Variants in ACSS3 observed in about 807,000 individuals in gnomAD.
The protein encoded by ACSS3 is acyl-CoA synthetase short-chain family member 3, mitochondrial.
Under a neutral mutation model 84.2 loss-of-function variants are expected in ACSS3, and 64 were observed. That is an observed-to-expected ratio of 0.76 (90% CI 0.62 to 0.94). The LOEUF is 0.94. ACSS3 is among the 40% of genes least tolerant of loss of function. The pLI is 0.00. For synonymous variants in ACSS3, 317 were observed against 310.1 expected (o/e 1.02, Z -0.23); for missense variants, 815 against 867.6 (o/e 0.94, Z 0.76).
At position 81,233,471 on chromosome 12, in the gene ACSS3, G is replaced by T; in HGVS notation, c.1719G>T (p.Glu573Asp). ...GHRISAGAIE[E>D]SILSHGTVAD... ...GAATTTCTGCAGGCGCCATTGAAGA[G>T]GTATTGATGAATATTGGTATTCTAT... The change falls in exon 13 of 16, where the codon GAG becomes GAT. Residue 573 changes from glutamate to aspartate, a missense_variant and splice_region_variant. Coordinates refer to ENST00000548058, the MANE Select transcript of ACSS3 (RefSeq NM_024560.4). The T allele has an allele frequency of 6.2e-7, 1 of 1,610,090 alleles. No individual in the cohort carries two copies. Among genetic ancestry groups the T allele is most frequent in the East Asian group, 2.2e-5 (1 of 44,742 alleles).
rs544445109 is a variant in ACSS3, at chr12:81,253,775, C to G, written c.1995+105C>G. Reference sequence around the variant, plus strand: ...TGGTTCTCAAATGTGAATTGCATCTCTAGAAAACACATAATAGTACTATTT... The same window carrying G: ...TGGTTCTCAAATGTGAATTGCATCTGTAGAAAACACATAATAGTACTATTT... On this transcript the variant is annotated intron_variant, in intron 15 of 15. Transcript: ENST00000548058. 2.7e-6 allele frequency: 3 copies of G among 1,111,674 alleles called. No individual in the cohort carries two copies. In the South Asian group the frequency reaches 4.6e-5, roughly 17 times the overall value. The allele number at this position is 1,111,674 out of a possible 1,614,324, so 68.9% of individuals were successfully genotyped here.
chr12:81,208,638 C>A (rs187888348), intron 9 of ACSS3, among the ~76,000 whole-genome samples: 38 of 152,210 alleles, frequency 2.5e-4, no homozygotes, highest in African/African-American at 7.0e-4. Context: ...AGAGATTTTT[C>A]TATAATGCAA....
Position 81,255,156 on chromosome 12 carries a change from T to A in ACSS3, c.*234T>A, listed in dbSNP as rs1333856145. 1 of 362,148 alleles carries A rather than the reference T, an allele frequency of 2.8e-6. No individual in the cohort carries two copies. Among genetic ancestry groups the A allele is most frequent in the African/African-American group, 2.1e-5 (1 of 47,312 alleles). 22.4% of individuals were successfully genotyped at this position (362,148 alleles called of 1,614,324 possible). On this transcript the variant is annotated 3_prime_UTR_variant, in exon 16 of 16. Transcript: ENST00000548058. ...TATCTATAACATGGCTTATTGAATG[T>A]CATCTACTGCTTTAGGAAAAACGTA...
chr12:81,259,811 C>A lies in ACSS3; in HGVS notation c.*4889C>A. On this transcript the variant is annotated 3_prime_UTR_variant, in exon 16 of 16. Coordinates refer to ENST00000548058, the MANE Select transcript of ACSS3 (RefSeq NM_024560.4). ...AATCATCTAGGATGTAGCCAACAGC[C>A]GTATGTAATTAACATTTGCTTTTCT... 1 of 519,906 alleles carries A rather than the reference C, an allele frequency of 1.9e-6. No homozygotes were observed. The allele number at this position is 519,906 out of a possible 1,614,324, so 32.2% of individuals were successfully genotyped here.
At chr12:81,141,337 A>T (rs981884318) in intron 4 of ACSS3, among the ~76,000 whole-genome samples, 2 of 152,158 alleles carry the variant, frequency 1.3e-5, no homozygotes, top group Non-Finnish European at 2.9e-5. Context: ...TTAGAGAGAC[A>T]CAAATTATGA....
intron 1 of ACSS3, among the ~76,000 whole-genome samples, chr12:81,106,680 T>C (rs189441788): frequency 6.6e-6 from 1 of 152,212 alleles, no homozygotes; most frequent in African/African-American, 2.4e-5. Context: ...TTTGAAATAT[T>C]TTTGTTGACA....
chr12:81,146,448 C>T (rs1886345848), intron 5 of ACSS3, among the ~76,000 whole-genome samples: 1 of 152,138 alleles, frequency 6.6e-6, no homozygotes, highest in South Asian at 2.1e-4. Flanking sequence ...CCTTGATCTT[C>T]ATGAGGAAAA....
chr12:81,189,410 T>G (rs1010673889), intron 8 of ACSS3, among the ~76,000 whole-genome samples: 2 of 152,168 alleles, frequency 1.3e-5, no homozygotes, highest in Non-Finnish European at 2.9e-5. Context: ...TGTCATGTAG[T>G]GATATCTCAT....
At chr12:81,110,941 C>T (rs185728774) in intron 2 of ACSS3, among the ~76,000 whole-genome samples, 1 of 152,278 alleles carries the variant, frequency 6.6e-6, no homozygotes, top group Admixed American at 6.5e-5. Context: ...TCTTTGAAAT[C>T]ATATTCTTTT....
intron 11 of ACSS3, among the ~76,000 whole-genome samples, chr12:81,226,565 C>T (rs977614836): frequency 4.0e-5 from 6 of 151,772 alleles, no homozygotes; most frequent in African/African-American, 1.5e-4. Context: ...GTTGCTAAAA[C>T]TCAGTAACTA....
At chr12:81,179,271 C>CAAAAAAAAAAAAAAAAAGAAAAAAA (rs2030728534) in intron 8 of ACSS3, among the ~76,000 whole-genome samples, 1 of 66,782 alleles carries the variant, frequency 1.5e-5, no homozygotes, top group Non-Finnish European at 2.7e-5. Flanking sequence ...AAGTAATTGC[C>CAAAAAAAAAAAAAAAAAGAAAAAAA]AAAAAAAAAA....
chr12:81,219,779 G>A (rs1406449154), intron 10 of ACSS3, among the ~76,000 whole-genome samples: 1 of 151,966 alleles, frequency 6.6e-6, no homozygotes, highest in African/African-American at 2.4e-5. Flanking sequence ...GAAATATGAT[G>A]TCTTCATTTA....
intron 9 of ACSS3, among the ~76,000 whole-genome samples, chr12:81,209,031 G>A (rs756165529): frequency 6.6e-6 from 1 of 152,096 alleles, no homozygotes; most frequent in Non-Finnish European, 1.5e-5. Flanking sequence ...GTAACATATA[G>A]CTTTTATCTT....
chr12:81,125,742 T>A (rs1288020285), intron 2 of ACSS3: 4 of 152,202 alleles, frequency 2.6e-5, no homozygotes, highest in Non-Finnish European at 4.4e-5. Flanking sequence ...TCTTCTGATG[T>A]TGAGATCATA....
chr12:81,134,189 G>A (rs539793220), intron 2 of ACSS3, among the ~76,000 whole-genome samples: 3 of 152,106 alleles, frequency 2.0e-5, no homozygotes, highest in South Asian at 2.1e-4. Context: ...ATATGAGGTC[G>A]GAAGACCTGT....
intron 7 of ACSS3, among the ~76,000 whole-genome samples, chr12:81,165,670 A>G (rs1887368757): frequency 6.6e-6 from 1 of 152,082 alleles, no homozygotes; most frequent in Non-Finnish European, 1.5e-5. Context: ...AAAGATTAAT[A>G]TAAAGTACAG....
chr12:81,151,787 T>C (rs1413674894), intron 5 of ACSS3, 57 bp from the exon 6 acceptor site: 31 of 1,471,878 alleles, frequency 2.1e-5, no homozygotes, highest in Middle Eastern at 1.7e-4. Flanking sequence ...GCTATGAAGA[T>C]AGAGAGTGTT....
chr12:81,109,093 A>G (rs1031400662), intron 1 of ACSS3, among the ~76,000 whole-genome samples: 7 of 152,212 alleles, frequency 4.6e-5, no homozygotes, highest in Non-Finnish European at 1.0e-4. Flanking sequence ...CTGAAATAAA[A>G]AATACTTATA....
rs71442000 is a variant in ACSS3, at chr12:81,134,073, G to GA, written c.457-732dup. Reference sequence around the variant, plus strand: ...TTTATATGTTGAGGTCTCAAAAACAGAAAAAAAAAAAGAACTGTGTATGTT... The same window carrying GA: ...TTTATATGTTGAGGTCTCAAAAACAGAAAAAAAAAAAAGAACTGTGTATGTT... On this transcript the variant is annotated intron_variant, in intron 2 of 15. Transcript: ENST00000548058. Among the ~76,000 whole-genome samples, 406 of 134,610 alleles carry GA rather than the reference G, an allele frequency of 3.0e-3. 1 individual carries two copies. The highest frequency in any genetic ancestry group is 7.4e-3 in the Admixed American group (100 of 13,532). The allele number at this position is 134,610 out of a possible 152,430, so 88.3% of individuals were successfully genotyped here. A position where few individuals can be genotyped will look rare whatever the true frequency, so the allele number is the denominator to read the frequency against.
Sources: gnomAD v4.1 joint callset for allele counts (sites outside exome capture counted in the v4.1 genomes callset) on GRCh38, gnomAD v4.1.1 for gene constraint, MANE v1.5 for transcripts, NCBI Gene and HGNC (gene_info 2026-07-23, HGNC 2026-07-21) for gene names.